Variants in TTLL7 observed in about 807,000 individuals in gnomAD.
The protein encoded by TTLL7 is tubulin tyrosine ligase like 7, also known as tubulin polyglutamylase TTLL7.
Under a neutral mutation model 120.2 loss-of-function variants are expected in TTLL7, and 53 were observed. That is an observed-to-expected ratio of 0.44 (90% confidence interval 0.35 to 0.55). The LOEUF (loss-of-function observed/expected upper bound fraction) is 0.55, where lower values mean the gene tolerates loss of function less well. Ranked by LOEUF, TTLL7 falls within the 20% of genes least tolerant of loss-of-function variation. TTLL7 has a pLI of 0.00. For synonymous variants in TTLL7, 353 were observed against 351.7 expected (o/e 1.00, Z -0.04); for missense variants, 803 against 1,054.7 (o/e 0.76, Z 3.31).
chr1:83,973,148 C>A (rs1651147635), intron 1 of TTLL7, among the ~76,000 whole-genome samples: 1 of 151,972 alleles, frequency 6.6e-6, no homozygotes. Context: ...CATTGCCATA[C>A]CCAAGATCAT....
At chr1:83,897,708 G>A (rs943310389) in intron 18 of TTLL7, among the ~76,000 whole-genome samples, 3 of 151,836 alleles carry the variant, frequency 2.0e-5, no homozygotes, top group Non-Finnish European at 4.4e-5. Context: ...CCATCAGCCT[G>A]ACCACAACTT....
chr1:83,987,272 A>T (rs1408365448), intron 1 of TTLL7, among the ~76,000 whole-genome samples: 2 of 152,058 alleles, frequency 1.3e-5, no homozygotes, highest in South Asian at 2.1e-4. Flanking sequence ...AACAAAAAAA[A>T]ATTAAAAAAA....
intron 1 of TTLL7, among the ~76,000 whole-genome samples, chr1:83,953,920 A>G (rs1649289600): frequency 6.6e-6 from 1 of 152,204 alleles, no homozygotes; most frequent in Non-Finnish European, 1.5e-5. Context: ...GTGAATTCAC[A>G]GTAAAACATC....
At chr1:83,873,374 T>G (rs981022522) in intron 20 of TTLL7, among the ~76,000 whole-genome samples, 1 of 152,180 alleles carries the variant, frequency 6.6e-6, no homozygotes, top group African/African-American at 2.4e-5. Flanking sequence ...CATCTAAGAT[T>G]GTTTTTGAAA....
rs1653065878 is a variant in TTLL7 at position 83,868,481 on chromosome 1, G to C, written c.*1481C>G. The C allele has an allele frequency of 6.6e-6, 1 of 152,268 alleles. No homozygotes were observed. The highest frequency in any genetic ancestry group is 2.4e-5 in the African/African-American group (1 of 41,556). 9.4% of individuals were successfully genotyped at this position (152,268 alleles called of 1,614,324 possible). On this transcript the variant is annotated 3_prime_UTR_variant, in exon 21 of 21. Coordinates refer to ENST00000260505, the MANE Select transcript of TTLL7 (RefSeq NM_024686.6). The stretch of plus-strand genomic sequence containing the variant: ...ACTTATGCATAACAACTTTGGACAA[G>C]AACACTTCGTTCTCTGTTTTGATTT...
At chr1:83,897,865 TAAA>T (rs58157608) in intron 18 of TTLL7, among the ~76,000 whole-genome samples, 138 of 127,352 alleles carry the variant, frequency 1.1e-3, no homozygotes, top group African/African-American at 3.7e-3. Context: ...TGTTTTCCAT[TAAA>T]AAAAAAAAAA....
intron 14 of TTLL7, among the ~76,000 whole-genome samples, chr1:83,916,205 A>G (rs1191031637): frequency 6.6e-5 from 10 of 152,126 alleles, no homozygotes; most frequent in Admixed American, 3.9e-4. Context: ...TGTTTATTGC[A>G]GCACTATTCA....
At chr1:83,931,537 C>T (rs1659598406) in intron 9 of TTLL7, among the ~76,000 whole-genome samples, 1 of 152,082 alleles carries the variant, frequency 6.6e-6, no homozygotes, top group Admixed American at 6.6e-5. Flanking sequence ...TGTCATTTCC[C>T]TTTTACCTAC....
At chr1:83,926,623 C>CA (rs767753955) in intron 10 of TTLL7, among the ~76,000 whole-genome samples, 7 of 152,114 alleles carry the variant, frequency 4.6e-5, no homozygotes, top group Non-Finnish European at 8.8e-5. Context: ...TAAGTAAACT[C>CA]AGAGACTAGT....
chr1:83,952,151 CCATATTTTGTAA>C, intron 2 of TTLL7, 24 bp downstream of exon 2: 2 of 1,594,638 alleles, frequency 1.3e-6, no homozygotes, highest in Non-Finnish European at 1.7e-6. Flanking sequence ...TATAACACCT[CCATATTTTGTAA>C]CATAGTTAAG....
At chr1:83,897,006 T>C (rs1161169459) in intron 18 of TTLL7, among the ~76,000 whole-genome samples, 1 of 152,110 alleles carries the variant, frequency 6.6e-6, no homozygotes, top group African/African-American at 2.4e-5. Context: ...ACTATTTCCA[T>C]TTTCACCTGG....
At chr1:83,896,386 C>A (rs576605200) in intron 18 of TTLL7, among the ~76,000 whole-genome samples, 1 of 152,028 alleles carries the variant, frequency 6.6e-6, no homozygotes, top group African/African-American at 2.4e-5. Context: ...ATAAAGCACA[C>A]AGACAAATTC....
intron 1 of TTLL7, among the ~76,000 whole-genome samples, chr1:83,990,640 A>T (rs1385435405): frequency 6.6e-6 from 1 of 152,238 alleles, no homozygotes; most frequent in Non-Finnish European, 1.5e-5. Context: ...ATACAAATCA[A>T]ATCTGTAACA....
chr1:83,873,293 C>T (rs1653610725), intron 20 of TTLL7, among the ~76,000 whole-genome samples: 1 of 152,128 alleles, frequency 6.6e-6, no homozygotes, highest in Non-Finnish European at 1.5e-5. Context: ...TAAAGTGTTG[C>T]AGGGAAATAC....
intron 13 of TTLL7, among the ~76,000 whole-genome samples, chr1:83,918,242 T>C (rs571137524): frequency 6.6e-6 from 1 of 152,310 alleles, no homozygotes; most frequent in South Asian, 2.1e-4. Flanking sequence ...TTTCATTCTA[T>C]AGTCATCAAA....
chr1:83,971,954 T>A (rs921367414), intron 1 of TTLL7, among the ~76,000 whole-genome samples: 17 of 152,056 alleles, frequency 1.1e-4, no homozygotes, highest in Admixed American at 9.8e-4. Flanking sequence ...AAATACTTAA[T>A]TTTTAAGAGC....
Position 83,921,263 on chromosome 1 carries a change from C to A in TTLL7, c.1274G>T (p.Arg425Met). 6.2e-7 allele frequency: 1 copy of A among 1,612,532 alleles called. No individual in the cohort carries two copies. Among genetic ancestry groups the A allele is most frequent in the Non-Finnish European group, 8.5e-7 (1 of 1,179,518 alleles). The part of the protein sequence containing the change: ...DWEQQRHQLE[R>M]RKEELKERLA... ...CTTTCATACCAACTCTTCTTTCCGC[C>A]TCTCCAACTGGTGTCTCTGCTGTTC... The change falls in exon 11 of 21, where the codon AGG becomes ATG. Residue 425 changes from arginine (R) to methionine (M), a missense_variant. Arg to Met is a moderately conservative substitution (Grantham distance 91, BLOSUM62 -1). This residue lies in a region of TTLL7 where 324 missense variants were observed against 507.7 expected (regional missense o/e 0.64). Transcript: ENST00000260505.
intron 19 of TTLL7, among the ~76,000 whole-genome samples, chr1:83,885,436 T>C (rs1167399958): frequency 2.0e-5 from 3 of 151,992 alleles, no homozygotes; most frequent in South Asian, 2.1e-4. Context: ...AACACTCTAA[T>C]CTGATGTAAC....
intron 8 of TTLL7, among the ~76,000 whole-genome samples, chr1:83,936,075 C>T (rs1392728279): frequency 2.6e-5 from 4 of 152,102 alleles, no homozygotes; most frequent in African/African-American, 9.7e-5. Flanking sequence ...TTAATAGGCC[C>T]ACATTGGCTA....
Sources: allele counts gnomAD v4.1 joint callset (sites outside exome capture counted in the v4.1 genomes callset), GRCh38; gene constraint gnomAD v4.1.1; regional missense constraint gnomAD v4.1.1; transcripts MANE v1.5; gene names NCBI Gene and HGNC (gene_info 2026-07-23, HGNC 2026-07-21).